Variants in MYO3A observed in about 807,000 individuals in gnomAD.
MYO3A encodes the protein myosin-IIIa.
In MYO3A, 180 loss-of-function variants were observed where a neutral mutation model predicts 192.7. That is an observed-to-expected ratio of 0.93 (90% CI 0.83 to 1.06). The LOEUF (loss-of-function observed/expected upper bound fraction) is 1.06. Among genes scored for constraint, MYO3A ranks in the 50% least tolerant of loss-of-function variants. The probability of loss-of-function intolerance (pLI) is 0.00; values close to 1 mark genes in which losing one functional copy is unlikely to be tolerated. For missense variants in MYO3A, 1,896 were observed against 1,905.0 expected (o/e 1.00, Z 0.09); for synonymous variants, 628 against 645.3 (o/e 0.97, Z 0.41).
chr10:26,081,947 C>T (rs910280867), intron 14 of MYO3A, among the ~76,000 whole-genome samples: 4 of 152,156 alleles, frequency 2.6e-5, no homozygotes, highest in East Asian at 1.9e-4. Context: ...AGGAGCAATC[C>T]GCTTTCTTTA....
chr10:26,036,102 T>A (rs759537729), intron 10 of MYO3A, among the ~76,000 whole-genome samples: 94 of 151,864 alleles, frequency 6.2e-4, no homozygotes, highest in Non-Finnish European at 1.1e-3. Flanking sequence ...CCTGGCTAAT[T>A]TTTTTTGTAT....
chr10:25,982,711 G>A (rs912662203), intron 4 of MYO3A, among the ~76,000 whole-genome samples: 1 of 151,896 alleles, frequency 6.6e-6, no homozygotes, highest in Admixed American at 6.6e-5. Flanking sequence ...CTACAATTTG[G>A]GTATTAAAAA....
intron 4 of MYO3A, among the ~76,000 whole-genome samples, chr10:25,993,235 T>C (rs145177971): frequency 0.027 from 4,051 of 152,252 alleles, 83 homozygotes; most frequent in Middle Eastern, 0.054. Context: ...GGTTTAGACT[T>C]GGGAGGGTGT....
chr10:25,948,851 T>C (rs542303495), intron 2 of MYO3A, among the ~76,000 whole-genome samples: 2 of 152,276 alleles, frequency 1.3e-5, no homozygotes, highest in East Asian at 3.9e-4. Flanking sequence ...ATATGGAACA[T>C]GACTAGGTGT....
At position 26,203,002 on chromosome 10, in the gene MYO3A, A is replaced by G. The variant is rs1277828493; in HGVS notation, c.4625A>G (p.Lys1542Arg). 3 of 1,613,830 alleles carry G rather than the reference A, an allele frequency of 1.9e-6. No homozygotes were observed. In the African/African-American group the frequency reaches 4.0e-5, roughly 22 times the overall value. The change falls in exon 34 of 35, where the codon AAG becomes AGG. Residue 1542 changes from lysine (K) to arginine (R), a missense_variant. By Grantham distance (26) the Lys-to-Arg change is conservative. Coordinates refer to ENST00000642920, the MANE Select transcript of MYO3A (RefSeq NM_017433.5). ...KLLDLEDFYY[K>R]EFLPSRSGPK... ...TTAGATTTGGAAGATTTCTATTATAAGGAATTTTTGCCCAGTCGTTCTGGA... is the reference window on the plus strand; with the variant it reads ...TTAGATTTGGAAGATTTCTATTATAGGGAATTTTTGCCCAGTCGTTCTGGA...
At chr10:26,176,523 G>A (rs538609353) in intron 30 of MYO3A, among the ~76,000 whole-genome samples, 178 bp from the exon 31 acceptor site, 1 of 152,192 alleles carries the variant, frequency 6.6e-6, no homozygotes, top group South Asian at 2.1e-4. Context: ...AGAGCACAAG[G>A]GGGGAAGGTT....
chr10:26,133,650 G>A (rs1476572653), intron 20 of MYO3A, among the ~76,000 whole-genome samples: 2 of 152,170 alleles, frequency 1.3e-5, no homozygotes, highest in East Asian at 3.8e-4. Context: ...CTAGAGTGCA[G>A]TGGCACAATC....
chr10:26,097,065 G>C (rs920627460), intron 17 of MYO3A, among the ~76,000 whole-genome samples: 5 of 151,572 alleles, frequency 3.3e-5, no homozygotes, highest in Non-Finnish European at 5.9e-5. Flanking sequence ...CCTATTTAAG[G>C]TGTATATTTC....
At chr10:26,172,487 A>G (rs762491940) in intron 29 of MYO3A, among the ~76,000 whole-genome samples, 20 of 152,250 alleles carry the variant, frequency 1.3e-4, no homozygotes, top group South Asian at 1.0e-3. Flanking sequence ...CTGATGTGGG[A>G]ATTTCAGCAG....
At chr10:26,043,553 C>T (rs890598566) in intron 10 of MYO3A, among the ~76,000 whole-genome samples, 1 of 152,212 alleles carries the variant, frequency 6.6e-6, no homozygotes, top group East Asian at 1.9e-4. Context: ...CCACTCTTAC[C>T]TCCCCTTTCC....
chr10:26,209,817 T>G (rs1844141065), intron 34 of MYO3A, among the ~76,000 whole-genome samples: 1 of 152,190 alleles, frequency 6.6e-6, no homozygotes, highest in African/African-American at 2.4e-5. Flanking sequence ...ATTCCTGGCC[T>G]GGCACTGTGG....
intron 4 of MYO3A, among the ~76,000 whole-genome samples, chr10:25,972,925 A>G (rs1416770793): frequency 1.3e-5 from 2 of 152,176 alleles, no homozygotes; most frequent in South Asian, 4.1e-4. Context: ...TTACAGGAGT[A>G]CTTTTTGTGG....
chr10:26,093,330 T>C (rs1836816550), intron 15 of MYO3A, among the ~76,000 whole-genome samples: 1 of 152,228 alleles, frequency 6.6e-6, no homozygotes, highest in Admixed American at 6.5e-5. Flanking sequence ...AACTGAATTA[T>C]ATGCTGTGCC....
chr10:25,972,400 CT>C (rs1233560280), intron 4 of MYO3A, among the ~76,000 whole-genome samples: 2 of 151,978 alleles, frequency 1.3e-5, no homozygotes, highest in African/African-American at 4.8e-5. Context: ...TATATCTTTG[CT>C]TTGGAATATT....
intron 10 of MYO3A, among the ~76,000 whole-genome samples, chr10:26,049,824 C>T (rs1272574589): frequency 6.6e-6 from 1 of 151,642 alleles, no homozygotes; most frequent in East Asian, 1.9e-4. Flanking sequence ...TACAGGCACC[C>T]ACCACCGCGC....
intron 2 of MYO3A, among the ~76,000 whole-genome samples, chr10:25,940,265 G>A (rs1488837157): frequency 6.7e-6 from 1 of 150,184 alleles, no homozygotes. Flanking sequence ...CTCCTTTCTT[G>A]AATTTTTTAA....
intron 4 of MYO3A, among the ~76,000 whole-genome samples, chr10:25,986,157 C>A (rs551563533): frequency 6.6e-6 from 1 of 152,162 alleles, no homozygotes; most frequent in Admixed American, 6.5e-5. Flanking sequence ...ATCCAGCATC[C>A]CTTTATGATT....
At chr10:26,127,470 A>T (rs1240359839) in intron 19 of MYO3A, among the ~76,000 whole-genome samples, 1 of 152,208 alleles carries the variant, frequency 6.6e-6, no homozygotes, top group African/African-American at 2.4e-5. Context: ...GAAATACTCA[A>T]ATAGCTTTCC....
At chr10:26,183,129 C>CTTT (rs1242455191) in intron 31 of MYO3A, among the ~76,000 whole-genome samples, 14 of 152,214 alleles carry the variant, frequency 9.2e-5, no homozygotes, top group Admixed American at 3.9e-4. Context: ...CTGTGGGTCT[C>CTTT]ACCCCCCACA....
Sources: allele counts gnomAD v4.1 joint callset (sites outside exome capture counted in the v4.1 genomes callset), GRCh38; gene constraint gnomAD v4.1.1; transcripts MANE v1.5; gene names NCBI Gene and HGNC (gene_info 2026-07-23, HGNC 2026-07-21).